CNTNAP2: variants seen among roughly 807,000 people sequenced by gnomAD.
The protein encoded by CNTNAP2 is contactin-associated protein-like 2.
CNTNAP2 carries 98 observed loss-of-function variants against 155.2 expected under a neutral mutation model. The observed-to-expected ratio is 0.63, with a 90% CI of 0.54 to 0.75. CNTNAP2 has a LOEUF of 0.75. CNTNAP2 is among the 30% of genes least tolerant of loss of function. The pLI is 0.00. For synonymous variants in CNTNAP2, 651 were observed against 631.2 expected, an observed-to-expected ratio of 1.03 and a Z score of -0.47; for missense variants, 1,727 against 1,688.1, an observed-to-expected ratio of 1.02 and a Z score of -0.40.
intron 11 of CNTNAP2, among the ~76,000 whole-genome samples, chr7:147,510,850 C>CTTATATATATATATATAT (rs71527816): frequency 1.3e-5 from 1 of 76,436 alleles, no homozygotes; most frequent in Non-Finnish European, 2.4e-5. Context: ...GGCCTACAAC[C>CTTATATATATATATATAT]ATATATATAT....
chr7:147,974,339 G>A (rs551503008), intron 14 of CNTNAP2, among the ~76,000 whole-genome samples: 1 of 152,172 alleles, frequency 6.6e-6, no homozygotes, highest in Non-Finnish European at 1.5e-5. Context: ...GCTGGGTGTA[G>A]TGGCTCACAC....
In CNTNAP2 at chr7:147,175,262, C is replaced by T. The variant is rs369042206; in HGVS notation, c.1348+42753C>T. Among the ~76,000 whole-genome samples the T allele has an allele frequency of 5.3e-5, 8 of 151,676 alleles. No homozygotes were observed. In the South Asian group the frequency reaches 6.2e-4, roughly 12 times the overall value. On this transcript the variant is annotated intron_variant, in intron 8 of 23. Transcript: ENST00000361727. ...AATTGAAATATGCAGCCCTTCTGCT[C>T]TTTTTTTGTAACTCCTATATTCCCT...
intron 9 of CNTNAP2, among the ~76,000 whole-genome samples, chr7:147,319,307 C>G (rs1011472071): frequency 6.6e-6 from 1 of 152,048 alleles, no homozygotes; most frequent in Non-Finnish European, 1.5e-5. Flanking sequence ...TGTGTTATGT[C>G]AAAGTATATA....
At chr7:146,400,527 G>A (rs1311296463) in intron 1 of CNTNAP2, among the ~76,000 whole-genome samples, 1 of 152,204 alleles carries the variant, frequency 6.6e-6, no homozygotes, top group Non-Finnish European at 1.5e-5. Flanking sequence ...GAAAGTTAGT[G>A]AGAGAAGGAA....
chr7:148,080,872 T>C lies in CNTNAP2; in HGVS notation c.2384-37246T>C, dbSNP rs988907028. ...GAGGAAGTGCATTCTCAAAGCTGTG[T>C]GAATTGTCCTCATCATACAGCTATT... On this transcript the variant is annotated intron_variant, in intron 15 of 23. Coordinates refer to ENST00000361727, the MANE Select transcript of CNTNAP2 (RefSeq NM_014141.6). Among the ~76,000 whole-genome samples the C allele has an allele frequency of 5.3e-5, 8 of 152,212 alleles. No individual in the cohort carries two copies. In the East Asian group the frequency reaches 1.5e-3, roughly 29 times the overall value.
chr7:148,411,620 C>T (rs1317749408), intron 23 of CNTNAP2, among the ~76,000 whole-genome samples: 1 of 151,732 alleles, frequency 6.6e-6, no homozygotes, highest in East Asian at 1.9e-4. Context: ...GTCTGCCTAC[C>T]CAAAGGTTTT....
At chr7:146,512,276 C>A (rs1458169363) in intron 1 of CNTNAP2, among the ~76,000 whole-genome samples, 7 of 151,396 alleles carry the variant, frequency 4.6e-5, no homozygotes, top group African/African-American at 1.7e-4. Flanking sequence ...TTTTTAGTCT[C>A]GATTTCATTT....
At chr7:146,403,850 G>A (rs1795748165) in intron 1 of CNTNAP2, among the ~76,000 whole-genome samples, 1 of 152,176 alleles carries the variant, frequency 6.6e-6, no homozygotes, top group Non-Finnish European at 1.5e-5. Flanking sequence ...CTGAGATTCA[G>A]TCAGAACTTG....
chr7:146,168,455 A>G (rs1798344235), intron 1 of CNTNAP2, among the ~76,000 whole-genome samples: 1 of 151,794 alleles, frequency 6.6e-6, no homozygotes, highest in South Asian at 2.1e-4. Context: ...AAGGACAGAG[A>G]CTCCCGTTAT....
At chr7:147,910,780 A>C (rs946011342) in intron 14 of CNTNAP2, among the ~76,000 whole-genome samples, 7 of 152,300 alleles carry the variant, frequency 4.6e-5, no homozygotes, top group African/African-American at 1.7e-4. Context: ...TACCACCCCC[A>C]TGATTCAATT....
Position 147,421,710 on chromosome 7 carries a change from CA to C in CNTNAP2, c.1670+25932del, listed in dbSNP as rs1797293949. Among the ~76,000 whole-genome samples, 3 of 151,642 alleles carry C rather than the reference CA, an allele frequency of 2.0e-5. No homozygotes were observed. In the South Asian group the frequency reaches 6.3e-4, roughly 32 times the overall value. On this transcript the variant is annotated intron_variant, in intron 10 of 23. Coordinates refer to ENST00000361727, the MANE Select transcript of CNTNAP2 (RefSeq NM_014141.6). ...CCCAAATCTCATGTTAAAATGTTAT[CA>C]ATGGGGCCTGGTAGGAGGTGTTTGG...
At chr7:147,690,040 C>CCCTT (rs201851902) in intron 13 of CNTNAP2, among the ~76,000 whole-genome samples, 2,496 of 152,194 alleles carry the variant, frequency 0.016, 221 homozygotes, top group Admixed American at 0.15. Flanking sequence ...CCTCCAGTCT[C>CCCTT]CCTTCCTTCC....
At chr7:147,310,853 C>T (rs955201933) in intron 9 of CNTNAP2, among the ~76,000 whole-genome samples, 10 of 152,170 alleles carry the variant, frequency 6.6e-5, no homozygotes, top group Non-Finnish European at 1.5e-4. Context: ...TTGGGCTCAA[C>T]TCCAAGTATA....
intron 13 of CNTNAP2, among the ~76,000 whole-genome samples, chr7:147,791,672 C>T (rs775156154): frequency 6.6e-6 from 1 of 152,114 alleles, no homozygotes; most frequent in African/African-American, 2.4e-5. Context: ...CTCATGCATC[C>T]TCTGCCCCAG....
intron 12 of CNTNAP2, among the ~76,000 whole-genome samples, chr7:147,584,903 T>G (rs2373104): frequency 0.69 from 104,849 of 151,982 alleles, 36,735 homozygotes; most frequent in African/African-American, 0.81. Flanking sequence ...GGGAGAAGGA[T>G]GCCCTTGATG....
rs74766499 is a variant in CNTNAP2, at chr7:148,282,481, T to A, written c.3475+15355T>A. Among the ~76,000 whole-genome samples, 1,309 of 152,340 alleles carry A rather than the reference T, an allele frequency of 8.6e-3. 17 individuals carry two copies. Among genetic ancestry groups the A allele is most frequent in the African/African-American group, 0.03 (1,247 of 41,576 alleles). On this transcript the variant is annotated intron_variant, in intron 21 of 23. Coordinates refer to ENST00000361727, the MANE Select transcript of CNTNAP2 (RefSeq NM_014141.6). Reference sequence around the variant, plus strand: ...AATATCATAAGCTTTGTTAGGAAGATGAAAGATGCTATCATGAATGTAAAG... The same window carrying A: ...AATATCATAAGCTTTGTTAGGAAGAAGAAAGATGCTATCATGAATGTAAAG...
intron 12 of CNTNAP2, among the ~76,000 whole-genome samples, chr7:147,628,868 TAAAA>T (rs60644349): frequency 0.055 from 6,423 of 117,168 alleles, 493 homozygotes; most frequent in African/African-American, 0.17. Flanking sequence ...CAACAGCAGT[TAAAA>T]AAAAAAAAAA....
intron 1 of CNTNAP2, among the ~76,000 whole-genome samples, chr7:146,199,612 A>G (rs970644583): frequency 2.6e-5 from 4 of 152,208 alleles, no homozygotes; most frequent in African/African-American, 9.6e-5. Flanking sequence ...ACTTGTATAC[A>G]AATGTTTCAG....
intron 3 of CNTNAP2, among the ~76,000 whole-genome samples, chr7:146,982,710 G>T (rs1445145951): frequency 6.6e-6 from 1 of 152,070 alleles, no homozygotes; most frequent in Non-Finnish European, 1.5e-5. Context: ...TGATGCCTCT[G>T]ATCAGACTCA....
Sources: allele counts gnomAD v4.1 joint callset (sites outside exome capture counted in the v4.1 genomes callset), GRCh38; gene constraint gnomAD v4.1.1; transcripts MANE v1.5; gene names NCBI Gene and HGNC (gene_info 2026-07-23, HGNC 2026-07-21).